Variants in CDH13 observed in about 807,000 individuals in gnomAD.
CDH13 encodes cadherin 13.
In CDH13, 24 loss-of-function variants were observed where a neutral mutation model predicts 63.8. That is an observed-to-expected ratio of 0.38 (90% CI 0.27 to 0.53). The LOEUF (loss-of-function observed/expected upper bound fraction) is 0.53. Ranked by LOEUF, CDH13 falls within the 20% of genes least tolerant of loss-of-function variation. CDH13 has a pLI of 0.85. For missense variants in CDH13, 1,049 were observed against 903.1 expected, an observed-to-expected ratio of 1.16 and a Z score of -2.07; for synonymous variants, 503 against 355.3, an observed-to-expected ratio of 1.42 and a Z score of -4.67.
At chr16:82,826,350 A>G (rs1033129475) in intron 1 of CDH13, 6 of 152,148 alleles carry the variant, frequency 3.9e-5, no homozygotes, top group Non-Finnish European at 7.3e-5. Context: ...TGAAATTCTA[A>G]TTTTTATAAT....
chr16:83,040,482 T>C (rs1917237936), intron 3 of CDH13, among the ~76,000 whole-genome samples: 1 of 152,050 alleles, frequency 6.6e-6, no homozygotes, highest in South Asian at 2.1e-4. Context: ...CTGGTGTAAG[T>C]CCAACAGTCC....
chr16:83,601,407 A>G (rs974312939), intron 7 of CDH13, among the ~76,000 whole-genome samples: 1 of 152,204 alleles, frequency 6.6e-6, no homozygotes, highest in African/African-American at 2.4e-5. Context: ...AAATATTGAG[A>G]TGAAAAACAC....
At chr16:82,906,687 T>C (rs537694749) in intron 2 of CDH13, among the ~76,000 whole-genome samples, 1 of 152,308 alleles carries the variant, frequency 6.6e-6, no homozygotes, top group African/African-American at 2.4e-5. Flanking sequence ...CTCACAGTTC[T>C]AGTGGTTAGA....
intron 6 of CDH13, among the ~76,000 whole-genome samples, chr16:83,450,038 C>T (rs1465091535): frequency 6.6e-6 from 1 of 152,236 alleles, no homozygotes; most frequent in Non-Finnish European, 1.5e-5. Context: ...AGCTGCTCAT[C>T]ACTGGGGTTG....
Position 83,237,726 on chromosome 16 carries a change from C to T in CDH13, c.636+20229C>T, listed in dbSNP as rs1455249986. On this transcript the variant is annotated intron_variant, in intron 5 of 13. Transcript: ENST00000567109. ...TGTAATTTGAGGCAAGTTGTTTAAT[C>T]GTGAACTTTAGTTCCTCATTTGTAG... is the stretch of plus-strand genomic sequence containing the variant. 3.3e-5 allele frequency among the ~76,000 whole-genome samples: 5 copies of T among 152,152 alleles called. No individual in the cohort carries two copies. The South Asian group carries it at 8.3e-4, about 25-fold the overall frequency.
At chr16:83,073,930 G>T (rs763148608) in intron 3 of CDH13, among the ~76,000 whole-genome samples, 1 of 151,970 alleles carries the variant, frequency 6.6e-6, no homozygotes, top group Non-Finnish European at 1.5e-5. Flanking sequence ...AATGTGTAAT[G>T]GTCAAGTCAG....
chr16:83,009,420 A>G (rs1369904674), intron 2 of CDH13, among the ~76,000 whole-genome samples: 3 of 152,196 alleles, frequency 2.0e-5, no homozygotes, highest in Admixed American at 1.3e-4. Context: ...ACTTGCAACT[A>G]TTGTAGGTGT....
At chr16:83,708,817 G>A (rs1598537223) in intron 10 of CDH13, among the ~76,000 whole-genome samples, 1 of 152,102 alleles carries the variant, frequency 6.6e-6, no homozygotes, top group South Asian at 2.1e-4. Context: ...TTGAGGCCAG[G>A]AGTTCAAGAC....
rs185152913 is a variant in CDH13, at chr16:83,479,164, G to C, written c.782-7313G>C. ...ATGTGCACTCAACAGAAGTATCTAGGCTTGTCTAAGGGAAGAAAGGAATTG... is the reference window on the plus strand; with the variant it reads ...ATGTGCACTCAACAGAAGTATCTAGCCTTGTCTAAGGGAAGAAAGGAATTG... On this transcript the variant is annotated intron_variant, in intron 6 of 13. Transcript: ENST00000567109. Among the ~76,000 whole-genome samples the C allele has an allele frequency of 5.9e-3, 894 of 152,320 alleles. 8 individuals carry two copies. The highest frequency in any genetic ancestry group is 0.044 in the Middle Eastern group (13 of 294).
At chr16:83,129,456 G>A (rs2035953749) in intron 4 of CDH13, among the ~76,000 whole-genome samples, 1 of 152,194 alleles carries the variant, frequency 6.6e-6, no homozygotes, top group Non-Finnish European at 1.5e-5. Context: ...GAGACGTGGA[G>A]AAGGGAAGGC....
chr16:83,636,179 G>C (rs190395460), intron 8 of CDH13, among the ~76,000 whole-genome samples: 11 of 152,160 alleles, frequency 7.2e-5, no homozygotes, highest in African/African-American at 2.2e-4. Context: ...ATTGATCTAT[G>C]TCTCTGTCTC....
chr16:82,796,576 C>A (rs576191221), intron 1 of CDH13, among the ~76,000 whole-genome samples: 2 of 152,224 alleles, frequency 1.3e-5, no homozygotes, highest in Admixed American at 6.5e-5. Context: ...TATTTCATAC[C>A]TTTGACCTTC....
chr16:83,067,055 C>A (rs145624531), intron 3 of CDH13, among the ~76,000 whole-genome samples: 13 of 152,260 alleles, frequency 8.5e-5, no homozygotes, highest in African/African-American at 3.1e-4. Context: ...GATGACTGAC[C>A]GTTTTAAGCG....
intron 1 of CDH13, among the ~76,000 whole-genome samples, chr16:82,782,297 C>T (rs1292377498): frequency 1.3e-5 from 2 of 152,190 alleles, no homozygotes; most frequent in Non-Finnish European, 2.9e-5. Flanking sequence ...CACAATGGCT[C>T]ACGCCTGTAA....
At chr16:83,410,826 G>T (rs950920458) in intron 6 of CDH13, among the ~76,000 whole-genome samples, 1 of 152,096 alleles carries the variant, frequency 6.6e-6, no homozygotes, top group Non-Finnish European at 1.5e-5. Context: ...TCCTAGTATT[G>T]AGTGCCCACT....
At chr16:83,209,020 G>A (rs114132304) in intron 4 of CDH13, among the ~76,000 whole-genome samples, 2,788 of 152,174 alleles carry the variant, frequency 0.018, 75 homozygotes, top group African/African-American at 0.063. Flanking sequence ...GGGATGTTCT[G>A]CTGAACCCCT....
At chr16:83,000,302 G>T (rs1912759514) in intron 2 of CDH13, among the ~76,000 whole-genome samples, 1 of 113,552 alleles carries the variant, frequency 8.8e-6, no homozygotes, top group Admixed American at 1.2e-4. Flanking sequence ...AGACTGTAGT[G>T]CAAAGCTGCG....
chr16:82,745,252 T>C (rs1457226634), intron 1 of CDH13, among the ~76,000 whole-genome samples: 1 of 152,100 alleles, frequency 6.6e-6, no homozygotes, highest in Non-Finnish European at 1.5e-5. Flanking sequence ...TTTATGGGGT[T>C]TTAGGAAGAA....
intron 4 of CDH13, among the ~76,000 whole-genome samples, chr16:83,148,015 C>A (rs2036822887): frequency 6.6e-6 from 1 of 152,180 alleles, no homozygotes; most frequent in Non-Finnish European, 1.5e-5. Context: ...CTTAATGCAA[C>A]CTCAGCCTCC....
Sources: allele counts gnomAD v4.1 joint callset (sites outside exome capture counted in the v4.1 genomes callset), GRCh38; gene constraint gnomAD v4.1.1; transcripts MANE v1.5; gene names NCBI Gene and HGNC (gene_info 2026-07-23, HGNC 2026-07-21).